RHBDD1: variants seen among roughly 807,000 people sequenced by gnomAD.
RHBDD1 encodes rhomboid domain containing 1.
A neutral mutation model predicts 36.3 loss-of-function variants in RHBDD1; 38 were observed. The observed-to-expected ratio is 1.05, with a 90% CI of 0.81 to 1.37. The LOEUF is 1.37. RHBDD1 is among the 40% of genes most tolerant of loss of function. The pLI is 0.00. For synonymous variants in RHBDD1, 151 were observed against 136.5 expected (o/e 1.11, Z -0.74); for missense variants, 393 against 377.6 (o/e 1.04, Z -0.34).
intron 5 of RHBDD1, among the ~76,000 whole-genome samples, chr2:226,903,211 T>C (rs1947739434): frequency 6.6e-6 from 1 of 152,234 alleles, no homozygotes; most frequent in African/African-American, 2.4e-5. Context: ...TGGTCCCCCT[T>C]ATCTGTGATT....
At chr2:226,914,447 GT>G in intron 8 of RHBDD1, 96 bp downstream of exon 8, 1 of 1,376,932 alleles carries the variant, frequency 7.3e-7, no homozygotes, top group Non-Finnish European at 9.8e-7. Flanking sequence ...ATTTTAAACA[GT>G]TCAGAAAAAG....
At chr2:226,959,605 C>T (rs972319963) in intron 8 of RHBDD1, among the ~76,000 whole-genome samples, 1 of 152,176 alleles carries the variant, frequency 6.6e-6, no homozygotes, top group Admixed American at 6.5e-5. Context: ...TTTTCATTGC[C>T]AAGTACTAGT....
chr2:226,974,739 G>A (rs1344068105), intron 8 of RHBDD1, among the ~76,000 whole-genome samples: 1 of 152,202 alleles, frequency 6.6e-6, no homozygotes, highest in Non-Finnish European at 1.5e-5. Flanking sequence ...GCACCCAAGA[G>A]CAGGGTGGAT....
intron 8 of RHBDD1, among the ~76,000 whole-genome samples, chr2:226,972,277 C>T (rs1424443703): frequency 6.6e-6 from 1 of 152,116 alleles, no homozygotes; most frequent in Non-Finnish European, 1.5e-5. Flanking sequence ...TGTATGGCTG[C>T]ATAGTATTCC....
chr2:226,878,145 A>G (rs890982205), intron 5 of RHBDD1, among the ~76,000 whole-genome samples: 5 of 152,180 alleles, frequency 3.3e-5, no homozygotes, highest in African/African-American at 7.2e-5. Context: ...CTTAGCTTGT[A>G]TGAAAGGAAA....
chr2:226,834,524 C>T (rs1940822635), upstream of RHBDD1, among the ~76,000 whole-genome samples: 1 of 152,216 alleles, frequency 6.6e-6, no homozygotes, highest in African/African-American at 2.4e-5. Context: ...TGTACACCCA[C>T]ACCTATGCAT....
At chr2:226,851,238 A>G (rs1376132116) in intron 3 of RHBDD1, among the ~76,000 whole-genome samples, 1 of 151,948 alleles carries the variant, frequency 6.6e-6, no homozygotes, top group African/African-American at 2.4e-5. Flanking sequence ...GTGTGTTTCC[A>G]TGTCTCTTTC....
chr2:226,802,972 G>C, the RHBDD1 span, among the ~76,000 whole-genome samples: 1 of 152,226 alleles, frequency 6.6e-6, no homozygotes, highest in East Asian at 1.9e-4. Flanking sequence ...TAAAGTGCTT[G>C]AGTTGGGTGG....
At chr2:226,812,197 A>T in the RHBDD1 span, among the ~76,000 whole-genome samples, 1 of 152,394 alleles carries the variant, frequency 6.6e-6, no homozygotes, top group Non-Finnish European at 1.5e-5. Context: ...AGGAGACAGG[A>T]ACATAGCTTG....
chr2:226,964,777 TC>T (rs1952496865), intron 8 of RHBDD1, among the ~76,000 whole-genome samples: 1 of 152,242 alleles, frequency 6.6e-6, no homozygotes. Context: ...TCCTTTCACT[TC>T]TTTTTACATC....
chr2:226,972,940 A>G (rs200947341), intron 8 of RHBDD1, among the ~76,000 whole-genome samples: 1 of 151,754 alleles, frequency 6.6e-6, no homozygotes, highest in East Asian at 1.9e-4. Flanking sequence ...AAAAAAAAAA[A>G]AAAAACAAAA....
the RHBDD1 span, among the ~76,000 whole-genome samples, chr2:226,813,069 T>A: frequency 6.6e-6 from 1 of 152,246 alleles, no homozygotes; most frequent in Admixed American, 6.5e-5. Context: ...TATTTAACTG[T>A]TCTCCCTTTT....
chr2:226,892,845 G>GA (rs1255288274), intron 5 of RHBDD1, among the ~76,000 whole-genome samples: 7 of 151,044 alleles, frequency 4.6e-5, no homozygotes, highest in Admixed American at 6.6e-5. Flanking sequence ...TCACTAAACA[G>GA]AAAAAAAAAC....
chr2:226,801,785 T>G, the RHBDD1 span, among the ~76,000 whole-genome samples: 4 of 152,016 alleles, frequency 2.6e-5, no homozygotes. Flanking sequence ...AAGCCTGAAG[T>G]TGGTGGAAAA....
chr2:226,864,928 T>A lies in RHBDD1; in HGVS notation c.235T>A (p.Trp79Arg). Residue 79 changes from tryptophan (W) to arginine (R), a missense_variant, in exon 4 of 9, where the codon TGG (tryptophan) becomes AGG (arginine). Physicochemically the swap from Trp to Arg is moderately radical, Grantham distance 101. Transcript: ENST00000392062. The part of the protein sequence containing the change: ...LLSPLHHADD[W>R]HLYFNMASML... ...CTCTCCCCTTCACCATGCTGATGAT[T>A]GGCATTTGTATTTCAATATGGCATC... is the stretch of plus-strand genomic sequence containing the variant. 6.2e-7 allele frequency: 1 copy of A among 1,614,250 alleles called. No individual in the cohort carries two copies. The highest frequency in any genetic ancestry group is 8.5e-7 in the Non-Finnish European group (1 of 1,180,040).
At chr2:226,871,116 A>G (rs114823920) in intron 5 of RHBDD1, among the ~76,000 whole-genome samples, 1,623 of 152,332 alleles carry the variant, frequency 0.011, 27 homozygotes, top group South Asian at 0.043. Flanking sequence ...GATTGATCAA[A>G]TGAGAGAAAA....
At chr2:226,897,526 A>T (rs2125557342) in intron 5 of RHBDD1, among the ~76,000 whole-genome samples, 1 of 152,356 alleles carries the variant, frequency 6.6e-6, no homozygotes, top group African/African-American at 2.4e-5. Context: ...TTTAGCTCAC[A>T]GTTCTACCAG....
At chr2:226,988,426 G>A in intron 8 of RHBDD1, 3 of 1,550,464 alleles carry the variant, frequency 1.9e-6, no homozygotes, top group Non-Finnish European at 2.6e-6. Flanking sequence ...GAAGCCTGAA[G>A]CAGGCCGCAG....
chr2:226,928,860 G>A (rs1457418939), intron 8 of RHBDD1, among the ~76,000 whole-genome samples: 1 of 152,078 alleles, frequency 6.6e-6, no homozygotes, highest in African/African-American at 2.4e-5. Context: ...GACCATTTGA[G>A]ATTACTGTGA....
Sources: allele counts gnomAD v4.1 joint callset (sites outside exome capture counted in the v4.1 genomes callset), GRCh38; gene constraint gnomAD v4.1.1; transcripts MANE v1.5; gene names NCBI Gene and HGNC (gene_info 2026-07-23, HGNC 2026-07-21).